Variants in DCC observed in about 807,000 individuals in gnomAD.
The protein encoded by DCC is DCC netrin 1 receptor.
A neutral mutation model predicts 172.5 loss-of-function variants in DCC; 58 were observed. The ratio of observed to expected loss-of-function variants is 0.34; its 90% CI spans 0.27 to 0.42. DCC has a LOEUF of 0.42. DCC is among the 10% of genes least tolerant of loss of function. DCC has a pLI of 1.00. For missense variants in DCC, 1,740 were observed against 1,791.0 expected, an observed-to-expected ratio of 0.97 and a Z score of 0.51; for synonymous variants, 709 against 644.5, an observed-to-expected ratio of 1.10 and a Z score of -1.52.
intron 12 of DCC, among the ~76,000 whole-genome samples, chr18:53,217,515 C>G (rs2055872988): frequency 6.6e-6 from 1 of 152,102 alleles, no homozygotes; most frequent in Non-Finnish European, 1.5e-5. Flanking sequence ...CACACTCCCT[C>G]TCTCCTTTTT....
At chr18:53,229,583 T>C (rs1234827536) in intron 12 of DCC, among the ~76,000 whole-genome samples, 1 of 152,074 alleles carries the variant, frequency 6.6e-6, no homozygotes, top group African/African-American at 2.4e-5. Context: ...CAGCTTGAAA[T>C]TGGCCTTCTT....
chr18:53,176,494 C>G (rs1370090455), intron 8 of DCC, among the ~76,000 whole-genome samples: 2 of 149,998 alleles, frequency 1.3e-5, no homozygotes, highest in African/African-American at 2.5e-5. Flanking sequence ...AAAAAACAAA[C>G]AACCCCATCA....
chr18:53,340,649 G>A (rs940167350), intron 15 of DCC, among the ~76,000 whole-genome samples: 4 of 152,136 alleles, frequency 2.6e-5, no homozygotes, highest in Non-Finnish European at 5.9e-5. Flanking sequence ...TTTTAGATCT[G>A]ATTTCCCATA....
intron 5 of DCC, among the ~76,000 whole-genome samples, chr18:53,011,505 A>C (rs1235658143): frequency 6.6e-6 from 1 of 151,820 alleles, no homozygotes; most frequent in Non-Finnish European, 1.5e-5. Context: ...TAGCTTAAAG[A>C]CTTAAAAAGT....
At chr18:53,385,364 G>A (rs548768512) in intron 15 of DCC, among the ~76,000 whole-genome samples, 46 of 152,228 alleles carry the variant, frequency 3.0e-4, no homozygotes, top group African/African-American at 1.0e-3. Context: ...TTTACTCTCC[G>A]GGCCTACGAA....
chr18:52,904,250 T>A (rs1392836921), intron 2 of DCC, among the ~76,000 whole-genome samples: 1 of 152,264 alleles, frequency 6.6e-6, no homozygotes, highest in African/African-American at 2.4e-5. Flanking sequence ...ATTGCATCTC[T>A]AGGATTGCAG....
At chr18:53,488,496 T>C (rs539633737) in intron 26 of DCC, among the ~76,000 whole-genome samples, 53 of 152,356 alleles carry the variant, frequency 3.5e-4, no homozygotes, top group South Asian at 8.3e-4. Context: ...TCGTGTTGTG[T>C]TACTCATTTC....
intron 5 of DCC, among the ~76,000 whole-genome samples, chr18:53,061,292 T>C (rs2042491257): frequency 6.6e-6 from 1 of 152,040 alleles, no homozygotes; most frequent in South Asian, 2.1e-4. Context: ...CCCTTTCTCT[T>C]CTCCCTCTAT....
At chr18:53,520,199 A>T (rs2046384456) in intron 27 of DCC, among the ~76,000 whole-genome samples, 1 of 152,090 alleles carries the variant, frequency 6.6e-6, no homozygotes, top group South Asian at 2.1e-4. Context: ...GGAGGAACAG[A>T]TCGGGGTTAG....
At chr18:53,412,427 A>G (rs988537120) in intron 20 of DCC, among the ~76,000 whole-genome samples, 1 of 152,192 alleles carries the variant, frequency 6.6e-6, no homozygotes, top group African/African-American at 2.4e-5. Context: ...GTTCTAAGAC[A>G]AATAAATTAC....
chr18:52,917,819 A>G (rs989057557), intron 3 of DCC, among the ~76,000 whole-genome samples: 4 of 152,230 alleles, frequency 2.6e-5, no homozygotes, highest in African/African-American at 7.2e-5. Flanking sequence ...TTTCTCCCCA[A>G]TAGGGAAATG....
chr18:52,648,735 A>G (rs1194033308), intron 1 of DCC, among the ~76,000 whole-genome samples: 1 of 152,212 alleles, frequency 6.6e-6, no homozygotes, highest in African/African-American at 2.4e-5. Flanking sequence ...GAAAAAATAA[A>G]CTTGAAAATT....
Position 53,467,994 on chromosome 18 carries a change from C to G in DCC, c.3720C>G (p.Ala1240=). Residue 1240 remains alanine (A), a synonymous_variant, in exon 25 of 29, where the codon GCC becomes GCG. Coordinates refer to ENST00000442544, the MANE Select transcript of DCC (RefSeq NM_005215.4). ...PRAKLMIPMD[A]QSNNPAVVSA... is the part of the protein sequence containing the mutation. The stretch of plus-strand genomic sequence containing the variant: ...CCAAGCTCATGATTCCCATGGATGC[C>G]CAGTCCAACAATCCTGGTGAGTCAA... 2 of 1,584,868 alleles carry G rather than the reference C, an allele frequency of 1.3e-6. No individual in the cohort carries two copies. The highest frequency in any genetic ancestry group is 1.3e-5 in the African/African-American group (1 of 74,434).
chr18:52,617,278 C>T (rs1277915800), intron 1 of DCC, among the ~76,000 whole-genome samples: 1 of 151,856 alleles, frequency 6.6e-6, no homozygotes, highest in Non-Finnish European at 1.5e-5. Context: ...GGGGGATGGG[C>T]AAAGAGATAG....
At chr18:52,366,199 C>T (rs1984843103) in intron 1 of DCC, among the ~76,000 whole-genome samples, 1 of 152,128 alleles carries the variant, frequency 6.6e-6, no homozygotes, top group Non-Finnish European at 1.5e-5. Context: ...ACTAATGTGT[C>T]CGGAATTGGT....
intron 2 of DCC, among the ~76,000 whole-genome samples, chr18:52,763,077 G>T (rs553332049): frequency 6.6e-6 from 1 of 152,162 alleles, no homozygotes; most frequent in South Asian, 2.1e-4. Flanking sequence ...CATAAAATCT[G>T]CTTGTTGATT....
At chr18:52,491,675 AGAG>A (rs1327877027) in intron 1 of DCC, among the ~76,000 whole-genome samples, 1 of 152,024 alleles carries the variant, frequency 6.6e-6, no homozygotes, top group Non-Finnish European at 1.5e-5. Context: ...AAATGGAGGG[AGAG>A]GAGATGTATT....
At chr18:52,532,361 A>T (rs1295706416) in intron 1 of DCC, among the ~76,000 whole-genome samples, 1 of 152,176 alleles carries the variant, frequency 6.6e-6, no homozygotes, top group Admixed American at 6.5e-5. Context: ...TGCAAGCTGG[A>T]GAGATCACAT....
intron 1 of DCC, among the ~76,000 whole-genome samples, chr18:52,747,878 T>A (rs967501732): frequency 6.6e-6 from 1 of 152,182 alleles, no homozygotes; most frequent in Non-Finnish European, 1.5e-5. Flanking sequence ...ACAAGGAAGT[T>A]AAAGGTAGCC....
Sources: allele counts gnomAD v4.1 joint callset (sites outside exome capture counted in the v4.1 genomes callset), GRCh38; gene constraint gnomAD v4.1.1; transcripts MANE v1.5; gene names NCBI Gene and HGNC (gene_info 2026-07-23, HGNC 2026-07-21).